The following SARDH variants were observed in gnomAD, a reference collection of about 807,000 sequenced individuals.
SARDH encodes the protein sarcosine dehydrogenase.
SARDH carries 95 observed loss-of-function variants against 109.1 expected under a neutral mutation model. The ratio of observed to expected loss-of-function variants is 0.87; its 90% CI spans 0.74 to 1.03. The LOEUF (loss-of-function observed/expected upper bound fraction) is 1.03, where lower values mean the gene tolerates loss of function less well. Among genes scored for constraint, SARDH ranks in the 50% least tolerant of loss-of-function variants. The probability of loss-of-function intolerance (pLI) is 0.00; values close to 1 mark genes in which losing one functional copy is unlikely to be tolerated. For missense variants in SARDH, 1,267 were observed against 1,287.8 expected, an observed-to-expected ratio of 0.98 and a Z score of 0.25; for synonymous variants, 572 against 534.8, an observed-to-expected ratio of 1.07 and a Z score of -0.96.
intron 10 of SARDH, among the ~76,000 whole-genome samples, chr9:133,711,681 G>A (rs1052094423): frequency 2.0e-5 from 3 of 152,172 alleles, no homozygotes; most frequent in African/African-American, 4.8e-5. Flanking sequence ...GGGGCGCACC[G>A]AGCTGAGCCA....
intron 6 of SARDH, chr9:133,725,535 G>A (rs945833219): frequency 2.3e-6 from 1 of 439,446 alleles, no homozygotes; most frequent in Admixed American, 2.5e-5. Context: ...AATCAGCCGG[G>A]TGTGGTGACG....
intron 3 of SARDH, 35 bp downstream of exon 3, chr9:133,732,388 G>T: frequency 2.2e-5 from 7 of 311,552 alleles, no homozygotes; most frequent in Non-Finnish European, 3.9e-5. Context: ...ACCCACCCAA[G>T]CCCCCCTCCT....
rs757027231 is a variant in SARDH at position 133,734,157 on chromosome 9, C to G, written c.17G>C (p.Arg6Pro). The G allele has an allele frequency of 1.9e-6, 3 of 1,597,950 alleles. No individual in the cohort carries two copies. The highest frequency in any genetic ancestry group is 2.2e-5 in the South Asian group (2 of 89,422). Residue 6 changes from arginine to proline, a missense_variant, in exon 2 of 21, where the codon CGA becomes CCA. Coordinates refer to ENST00000439388, the MANE Select transcript of SARDH (RefSeq NM_001134707.2). Reference protein sequence around the residue: MASLSRALRVAAAHPR... With the variant: MASLSPALRVAAAHPR... ...GTGGGCAGCAGCCACACGTAGGGCT[C>G]GGCTCAGTGAGGCCATGGGGGCTCC...
chr9:133,728,473 T>C lies in SARDH; in HGVS notation c.915+1292A>G, dbSNP rs1832567617. Among the ~76,000 whole-genome samples, 4 of 152,188 alleles carry C rather than the reference T, an allele frequency of 2.6e-5. No homozygotes were observed. The highest frequency in any genetic ancestry group is 2.6e-4 in the Admixed American group (4 of 15,282). On this transcript the variant is annotated intron_variant, in intron 6 of 20. Transcript: ENST00000439388. The surrounding 1 kb of genome is among the most constrained non-coding windows in gnomAD (Gnocchi z 5.0). ...CCCACAGCCTCTGGCCCTGGCTCTC[T>C]GAACGGCCATGCTCTGTGCACGCTC...
intron 17 of SARDH, among the ~76,000 whole-genome samples, chr9:133,679,959 C>G (rs1830640698): frequency 6.6e-6 from 1 of 152,246 alleles, no homozygotes; most frequent in Non-Finnish European, 1.5e-5. Context: ...CACACGCATT[C>G]CTCGCCTGCA....
rs1350191241 is a variant in SARDH at position 133,669,308 on chromosome 9, ATCCTCCCTCACCCTCCCTCTCCCTCG to A, written c.2495+1250_2495+1275del. Among the ~76,000 whole-genome samples, 51 of 17,548 alleles carry A rather than the reference ATCCTCCCTCACCCTCCCTCTCCCTCG, an allele frequency of 2.9e-3. 1 individual carries two copies. The highest frequency in any genetic ancestry group is 9.4e-3 in the African/African-American group (41 of 4,382). 11.5% of individuals were successfully genotyped at this position (17,548 alleles called of 152,430 possible). A position where few individuals can be genotyped will look rare whatever the true frequency, so the allele number is the denominator to read the frequency against. On this transcript the variant is annotated intron_variant, in intron 19 of 20. Transcript: ENST00000439388. ...TCTCCCTCACCCTCCCTCTCCCCTCATCCTCCCTCACCCTCCCTCTCCCTCGTCCTCCCTCTCCCTCCCCTCGTCAC... is the reference window on the plus strand; with the variant it reads ...TCTCCCTCACCCTCCCTCTCCCCTCATCCTCCCTCTCCCTCCCCTCGTCAC...
rs563299821 is a variant in SARDH, at chr9:133,709,800, G to T, written c.1329-1372C>A. On this transcript the variant is annotated intron_variant, in intron 10 of 20. Coordinates refer to ENST00000439388, the MANE Select transcript of SARDH (RefSeq NM_001134707.2). This position sits in a 1 kb window ranked among gnomAD's most constrained non-coding sequence, Gnocchi z 4.2. ...TGGGACCCAAGATTAACTCTTTCAC[G>T]CAGGGGGAAACTGAGGCTCGGAAGG... Among the ~76,000 whole-genome samples the T allele has an allele frequency of 8.5e-5, 13 of 152,184 alleles. No individual in the cohort carries two copies. Among genetic ancestry groups the T allele is most frequent in the African/African-American group, 2.9e-4 (12 of 41,516 alleles).
At chr9:133,679,774 A>C (rs1385532736) in intron 17 of SARDH, among the ~76,000 whole-genome samples, 1 of 152,240 alleles carries the variant, frequency 6.6e-6, no homozygotes, top group Admixed American at 6.5e-5. Context: ...ATCACTGCAC[A>C]ACAGCAGCAG....
At chr9:133,729,411 G>A (rs1002239669) in intron 6 of SARDH, among the ~76,000 whole-genome samples, 1 of 152,124 alleles carries the variant, frequency 6.6e-6, no homozygotes. Context: ...CACACTGAGA[G>A]CATGCAAACA....
Position 133,690,495 on chromosome 9 carries a change from C to A in SARDH, c.1954G>T (p.Val652Leu). ...ATGTGGGACCAGTTGTGCTGGGCCA[C>A]GGCCCCGCCCATGGCCAGGTAGTAA... is the stretch of plus-strand genomic sequence containing the variant. ...DGYYLAMGGAVAQHNWSHITT... is the reference protein window; with the variant it reads ...DGYYLAMGGALAQHNWSHITT... The change falls in exon 16 of 21, where the codon GTG becomes TTG. Residue 652 changes from valine to leucine, a missense_variant. Coordinates refer to ENST00000439388, the MANE Select transcript of SARDH (RefSeq NM_001134707.2). The A allele has an allele frequency of 6.2e-7, 1 of 1,609,370 alleles. No homozygotes were observed.
At chr9:133,701,902 G>T (rs1420295782) in intron 13 of SARDH, among the ~76,000 whole-genome samples, 1 of 152,234 alleles carries the variant, frequency 6.6e-6, no homozygotes, top group African/African-American at 2.4e-5. Context: ...CAAAGACCAT[G>T]AAGAGTCTCA....
intron 6 of SARDH, among the ~76,000 whole-genome samples, chr9:133,719,931 G>A (rs1232447601): frequency 6.6e-6 from 1 of 151,832 alleles, no homozygotes; most frequent in African/African-American, 2.4e-5. Context: ...CTAATATGGT[G>A]AAACCTCGTC....
In SARDH at chr9:133,725,607, C is replaced by T. The variant is rs573413279; in HGVS notation, c.915+4158G>A. 24 of 382,348 alleles carry T rather than the reference C, an allele frequency of 6.3e-5. No individual in the cohort carries two copies. The East Asian group carries it at 1.4e-3, about 22-fold the overall frequency. 23.7% of individuals were successfully genotyped at this position (382,348 alleles called of 1,614,324 possible). A position where few individuals can be genotyped will look rare whatever the true frequency, so the allele number is the denominator to read the frequency against. On this transcript the variant is annotated intron_variant, in intron 6 of 20. Transcript: ENST00000439388. ...ACGAGAATTGCTTGAACCCGGGAGGCGGAGGTTGCAGTGAGCTGACACTGT... is the reference window on the plus strand; with the variant it reads ...ACGAGAATTGCTTGAACCCGGGAGGTGGAGGTTGCAGTGAGCTGACACTGT...
intron 17 of SARDH, among the ~76,000 whole-genome samples, chr9:133,682,253 C>T (rs1007105161): frequency 1.3e-5 from 2 of 152,084 alleles, no homozygotes; most frequent in African/African-American, 4.8e-5. Flanking sequence ...AAGTGGTTCT[C>T]GGGGAACGTT....
chr9:133,671,501 C>G, intron 18 of SARDH, 34 bp downstream of exon 18: 1 of 1,547,996 alleles, frequency 6.5e-7, no homozygotes. Flanking sequence ...ACTGCGCCCG[C>G]CCCCGCCCCG....
intron 13 of SARDH, among the ~76,000 whole-genome samples, chr9:133,697,847 G>A (rs967214914): frequency 2.4e-4 from 36 of 151,944 alleles, no homozygotes; most frequent in African/African-American, 8.4e-4. Flanking sequence ...AGACAGGGGG[G>A]TCCATTCTTG....
chr9:133,699,528 T>G (rs190322684), intron 13 of SARDH, among the ~76,000 whole-genome samples: 56 of 151,314 alleles, frequency 3.7e-4, no homozygotes, highest in African/African-American at 1.4e-3. Context: ...ATAATAATAA[T>G]AAGACAAATA....
In SARDH at chr9:133,712,453, C is replaced by T. The variant is rs1208102075; in HGVS notation, c.1328+166G>A. Among the ~76,000 whole-genome samples, 1 of 151,992 alleles carries T rather than the reference C, an allele frequency of 6.6e-6. No individual in the cohort carries two copies. The highest frequency in any genetic ancestry group is 2.4e-5 in the African/African-American group (1 of 41,374). ...TGGACCTGCCCCCCAGCCACCCCCT[C>T]AGCACTGCCCACCTTCTGCTGGTGG... On this transcript the variant is annotated intron_variant, in intron 10 of 20. Coordinates refer to ENST00000439388, the MANE Select transcript of SARDH (RefSeq NM_001134707.2). The surrounding 1 kb of genome is among the most constrained non-coding windows in gnomAD (Gnocchi z 4.1).
downstream of SARDH, among the ~76,000 whole-genome samples, chr9:133,661,490 G>T (rs7862335): frequency 0.57 from 85,870 of 149,980 alleles, 25,005 homozygotes; most frequent in East Asian, 0.85. Context: ...TCTTTTTTTT[G>T]TTGTTTTTGA....
Sources: gnomAD v4.1 joint callset for allele counts (sites outside exome capture counted in the v4.1 genomes callset) on GRCh38, gnomAD v4.1.1 for gene constraint, Gnocchi (gnomAD v3.1) non-coding constraint, MANE v1.5 for transcripts, NCBI Gene and HGNC (gene_info 2026-07-23, HGNC 2026-07-21) for gene names.